The following KCNG2 variants were observed in gnomAD, a reference collection of about 807,000 sequenced individuals.
KCNG2 encodes potassium voltage-gated channel modifier subfamily G member 2, also known as voltage-gated potassium channel regulatory subunit KCNG2.
KCNG2 carries 7 observed loss-of-function variants against 12.3 expected under a neutral mutation model. The ratio of observed to expected loss-of-function variants is 0.57; its 90% CI spans 0.32 to 1.07. The LOEUF is 1.07. Among genes scored for constraint, KCNG2 ranks in the 50% least tolerant of loss-of-function variants. KCNG2 has a pLI of 0.04. For missense variants in KCNG2, 703 were observed against 726.0 expected (o/e 0.97, Z 0.36); for synonymous variants, 414 against 351.4 (o/e 1.18, Z -1.99).
intron 3 of KCNG2, among the ~76,000 whole-genome samples, chr18:79,894,400 G>C (rs1298728591): frequency 6.7e-6 from 1 of 148,990 alleles, no homozygotes; most frequent in African/African-American, 2.5e-5. Context: ...CTTTTGATTG[G>C]GTTGTTCATG....
chr18:79,801,723 A>C (rs1331793216), intron 1 of KCNG2, among the ~76,000 whole-genome samples: 1 of 152,252 alleles, frequency 6.6e-6, no homozygotes, highest in Non-Finnish European at 1.5e-5. Flanking sequence ...TTCCAGCCCG[A>C]AGAGGCAAAT....
At chr18:79,844,981 A>G (rs1241892442) in intron 1 of KCNG2, among the ~76,000 whole-genome samples, 1 of 152,224 alleles carries the variant, frequency 6.6e-6, no homozygotes, top group Non-Finnish European at 1.5e-5. Context: ...AAATGCTTAT[A>G]CCACTGTGTT....
chr18:79,860,504 T>C (rs938992385), intron 2 of KCNG2, among the ~76,000 whole-genome samples: 1 of 152,248 alleles, frequency 6.6e-6, no homozygotes, highest in Non-Finnish European at 1.5e-5. Flanking sequence ...CACTCCTTGG[T>C]TAAATTTATT....
At chr18:79,887,953 C>T (rs374640094) in intron 3 of KCNG2, among the ~76,000 whole-genome samples, 1 of 152,088 alleles carries the variant, frequency 6.6e-6, no homozygotes, top group African/African-American at 2.4e-5. Flanking sequence ...ACGAGGCCAC[C>T]GTCTCGGGCT....
At position 79,861,816 on chromosome 18, in the gene KCNG2, T is replaced by A. The variant is rs115232290; in HGVS notation, c.-40-1812T>A. ...CAGGTCTCTTAGGCTCTGTTCCGTT[T>A]TCTTCACTTGTTTTCTTTCTGCTCC... On this transcript the variant is annotated intron_variant, in intron 2 of 3. Transcript: ENST00000316249. Among the ~76,000 whole-genome samples the A allele has an allele frequency of 8.2e-3, 1,245 of 152,348 alleles. 25 individuals are homozygous for A. Among genetic ancestry groups the A allele is most frequent in the African/African-American group, 0.029 (1,188 of 41,562 alleles).
At chr18:79,809,460 G>C (rs1338845780) in intron 1 of KCNG2, among the ~76,000 whole-genome samples, 1 of 142,974 alleles carries the variant, frequency 7.0e-6, no homozygotes, top group Non-Finnish European at 1.5e-5. Flanking sequence ...GGAGCTGCCG[G>C]GGCCGCGCTG....
intron 3 of KCNG2, among the ~76,000 whole-genome samples, chr18:79,883,117 A>C (rs2123112971): frequency 6.6e-6 from 1 of 152,344 alleles, no homozygotes; most frequent in Middle Eastern, 3.4e-3. Flanking sequence ...GAAAAGCAGC[A>C]AAGGGTGGGT....
chr18:79,859,200 C>G (rs1048548847), intron 2 of KCNG2, among the ~76,000 whole-genome samples: 1 of 152,124 alleles, frequency 6.6e-6, no homozygotes, highest in African/African-American at 2.4e-5. Context: ...GGAGTTTTAG[C>G]TCTTACATTA....
intron 3 of KCNG2, among the ~76,000 whole-genome samples, chr18:79,865,318 GGGTGCTGAGAGGT>G: frequency 8.9e-6 from 1 of 112,592 alleles, no homozygotes; most frequent in African/African-American, 3.1e-5. Flanking sequence ...GCTGAGGTCT[GGGTGCTGAGAGGT>G]CTGGGTGCTG....
chr18:79,874,533 G>A (rs933486666), intron 3 of KCNG2, among the ~76,000 whole-genome samples: 3 of 152,224 alleles, frequency 2.0e-5, no homozygotes, highest in Admixed American at 6.5e-5. Flanking sequence ...AAGATGTGAC[G>A]GTGGATTCTG....
At chr18:79,866,354 T>G (rs534978600) in intron 3 of KCNG2, among the ~76,000 whole-genome samples, 28 of 131,076 alleles carry the variant, frequency 2.1e-4, no homozygotes, top group African/African-American at 6.8e-4. Flanking sequence ...GAGAGGTCTG[T>G]GTGCTGAGGT....
chr18:79,846,787 G>GC (rs1474886054), intron 1 of KCNG2, among the ~76,000 whole-genome samples: 72 of 152,316 alleles, frequency 4.7e-4, no homozygotes, highest in East Asian at 1.4e-3. Context: ...TGTTTAGATG[G>GC]TTTTTCCAGT....
intron 2 of KCNG2, among the ~76,000 whole-genome samples, chr18:79,857,843 C>G (rs1318886843): frequency 6.6e-6 from 1 of 152,034 alleles, no homozygotes; most frequent in Admixed American, 6.6e-5. Flanking sequence ...ATTAACAATG[C>G]TGTGCAACCA....
intron 1 of KCNG2, among the ~76,000 whole-genome samples, chr18:79,815,099 G>A (rs1444536976): frequency 6.6e-6 from 1 of 152,090 alleles, no homozygotes; most frequent in Non-Finnish European, 1.5e-5. Context: ...GGAAATGTAA[G>A]TAAATTAAGA....
At chr18:79,863,487 G>C (rs1979300915) in intron 2 of KCNG2, among the ~76,000 whole-genome samples, 141 bp from the exon 3 acceptor site, 1 of 152,246 alleles carries the variant, frequency 6.6e-6, no homozygotes, top group Admixed American at 6.5e-5. Context: ...GGCCTGCGGA[G>C]GAGTGGGAAG....
intron 1 of KCNG2, among the ~76,000 whole-genome samples, chr18:79,851,517 C>G (rs1171246855): frequency 2.6e-5 from 4 of 152,178 alleles, no homozygotes; most frequent in African/African-American, 9.6e-5. Flanking sequence ...GATATTAAAC[C>G]AGTAAGAGCA....
At chr18:79,807,634 C>T (rs1275005911) in intron 1 of KCNG2, among the ~76,000 whole-genome samples, 3 of 152,206 alleles carry the variant, frequency 2.0e-5, no homozygotes, top group Admixed American at 6.5e-5. Context: ...TCCCTCCCGC[C>T]GCAGCACACG....
intron 1 of KCNG2, among the ~76,000 whole-genome samples, chr18:79,840,953 TAAAACTATAAACATTAC>T (rs921223732): frequency 7.9e-5 from 12 of 152,224 alleles, no homozygotes; most frequent in Non-Finnish European, 1.8e-4. Context: ...TGACTTACAA[TAAAACTATAAACATTAC>T]AAAAATAACA....
At chr18:79,812,186 C>T (rs1007877786) in intron 1 of KCNG2, among the ~76,000 whole-genome samples, 2 of 151,854 alleles carry the variant, frequency 1.3e-5, no homozygotes, top group Admixed American at 6.6e-5. Context: ...ATCTATGGGT[C>T]GAAGAGGAAG....
Sources: allele counts gnomAD v4.1 joint callset (sites outside exome capture counted in the v4.1 genomes callset), GRCh38; gene constraint gnomAD v4.1.1; transcripts MANE v1.5; gene names NCBI Gene and HGNC (gene_info 2026-07-23, HGNC 2026-07-21).